The following WWTR1 variants were observed in gnomAD, a reference collection of about 807,000 sequenced individuals.
The protein encoded by WWTR1 is WW domain-containing transcription regulator protein 1.
Under a neutral mutation model 40.1 loss-of-function variants are expected in WWTR1, and 13 were observed. The ratio of observed to expected loss-of-function variants is 0.32; its 90% CI spans 0.21 to 0.52. The LOEUF (loss-of-function observed/expected upper bound fraction) is 0.52. Ranked by LOEUF, WWTR1 falls within the 20% of genes least tolerant of loss-of-function variation. The probability of loss-of-function intolerance (pLI) is 0.97; values close to 1 mark genes in which losing one functional copy is unlikely to be tolerated. For synonymous variants in WWTR1, 230 were observed against 210.1 expected (o/e 1.09, Z -0.82); for missense variants, 436 against 523.1 (o/e 0.83, Z 1.63).
At chr3:149,667,824 T>A (rs1024904468) in intron 2 of WWTR1, among the ~76,000 whole-genome samples, 3 of 152,208 alleles carry the variant, frequency 2.0e-5, no homozygotes, top group East Asian at 1.9e-4. Flanking sequence ...ATTTCACAGT[T>A]CATTCTGTAT....
At chr3:149,589,065 G>T (rs1028134281) in intron 2 of WWTR1, among the ~76,000 whole-genome samples, 8 of 152,178 alleles carry the variant, frequency 5.3e-5, no homozygotes, top group Non-Finnish European at 1.2e-4. Context: ...ATCTAAACGA[G>T]GTGTCAACAG....
chr3:149,575,271 C>G (rs1474479491), intron 2 of WWTR1, among the ~76,000 whole-genome samples: 1 of 152,190 alleles, frequency 6.6e-6, no homozygotes, highest in East Asian at 1.9e-4. Context: ...AAACTCATAG[C>G]CAGCCTCAGG....
At chr3:149,670,207 G>C (rs980127185) in intron 1 of WWTR1, among the ~76,000 whole-genome samples, 1 of 152,212 alleles carries the variant, frequency 6.6e-6, no homozygotes, top group Admixed American at 6.5e-5. Context: ...TGTCCTCACA[G>C]TGACTCTATT....
intron 2 of WWTR1, among the ~76,000 whole-genome samples, chr3:149,595,122 C>T (rs1242281020): frequency 6.6e-6 from 1 of 151,642 alleles, no homozygotes; most frequent in Non-Finnish European, 1.5e-5. Flanking sequence ...CCACCACGCC[C>T]AGCTAATTTT....
At chr3:149,569,322 A>G (rs974250516) in intron 3 of WWTR1, among the ~76,000 whole-genome samples, 29 of 152,222 alleles carry the variant, frequency 1.9e-4, no homozygotes, top group African/African-American at 6.3e-4. Context: ...TTTTGCCATA[A>G]AAATAATGAT....
intron 1 of WWTR1, among the ~76,000 whole-genome samples, chr3:149,675,261 AT>A (rs1184173987): frequency 1.3e-5 from 2 of 152,228 alleles, no homozygotes; most frequent in African/African-American, 4.8e-5. Context: ...TGTTTTTAAA[AT>A]GAGCATGTTT....
intron 5 of WWTR1, 58 bp from the exon 6 acceptor site, chr3:149,526,183 TA>T: frequency 7.5e-7 from 1 of 1,335,272 alleles, no homozygotes; most frequent in Non-Finnish European, 1.0e-6. Flanking sequence ...ATCTCAAAAT[TA>T]AAACACAGTC....
chr3:149,658,959 C>T (rs574372139), upstream of WWTR1, among the ~76,000 whole-genome samples: 1 of 152,020 alleles, frequency 6.6e-6, no homozygotes, highest in Non-Finnish European at 1.5e-5. Context: ...GCCAGTGACC[C>T]GAAAAAAGCC....
intron 2 of WWTR1, among the ~76,000 whole-genome samples, chr3:149,600,775 G>T (rs536665230): frequency 6.6e-6 from 1 of 152,174 alleles, no homozygotes; most frequent in African/African-American, 2.4e-5. Context: ...ACCAGTTTCC[G>T]GCACCAACTC....
chr3:149,545,882 C>T (rs1736341879), intron 3 of WWTR1, among the ~76,000 whole-genome samples: 1 of 152,188 alleles, frequency 6.6e-6, no homozygotes, highest in African/African-American at 2.4e-5. Context: ...AGGTGACTTA[C>T]TGACATAACA....
chr3:149,547,820 C>A (rs1346641976), intron 3 of WWTR1, among the ~76,000 whole-genome samples: 1 of 147,122 alleles, frequency 6.8e-6, no homozygotes, highest in Non-Finnish European at 1.5e-5. Context: ...CTCCTTTTCC[C>A]TTTTTCTTTT....
At chr3:149,677,303 T>C (rs1473378205) in intron 1 of WWTR1, among the ~76,000 whole-genome samples, 1 of 152,194 alleles carries the variant, frequency 6.6e-6, no homozygotes, top group Non-Finnish European at 1.5e-5. Flanking sequence ...AATGCTTTCC[T>C]CCCAAATACA....
chr3:149,648,850 T>C (rs1712679616), intron 2 of WWTR1: 1 of 152,216 alleles, frequency 6.6e-6, no homozygotes, highest in African/African-American at 2.4e-5. Flanking sequence ...ACCAGCTCTT[T>C]GGCCTGGTTT....
chr3:149,666,854 G>A (rs939871502), intron 2 of WWTR1, among the ~76,000 whole-genome samples: 2 of 152,162 alleles, frequency 1.3e-5, no homozygotes, highest in Admixed American at 6.5e-5. Flanking sequence ...CCTCCTCTGT[G>A]AGCATACACT....
chr3:149,602,985 GATAAATAAATAA>G (rs10573108), intron 2 of WWTR1, among the ~76,000 whole-genome samples: 3 of 151,510 alleles, frequency 2.0e-5, no homozygotes, highest in South Asian at 2.1e-4. Context: ...TAAAGCCAAA[GATAAATAAATAA>G]ATAAATAAAT....
intron 1 of WWTR1, among the ~76,000 whole-genome samples, chr3:149,675,525 A>T (rs942827703): frequency 6.6e-6 from 1 of 152,100 alleles, no homozygotes; most frequent in Non-Finnish European, 1.5e-5. Flanking sequence ...TGATTTTTGA[A>T]CTTGTATCAC....
rs1000960963 is a variant in WWTR1 at position 149,657,071 on chromosome 3, G to T, written c.236C>A (p.Ala79Asp). The change falls in exon 2 of 7, where the codon GCT (alanine) becomes GAT (aspartate). Residue 79 changes from alanine (A) to aspartate (D), a missense_variant. By Grantham distance (126) the Ala-to-Asp change is moderately radical (BLOSUM62 -2). Transcript: ENST00000360632. ...SSGGHPGPRL[A>D]GGAQHVRSHS... ...CGAGCGGACATGCTGGGCACCCCCA[G>T]CCAGTCGAGGCCCCGGGTGGCCGCC... The T allele has an allele frequency of 2.0e-5, 31 of 1,568,066 alleles. No homozygotes were observed. The highest frequency in any genetic ancestry group is 3.4e-5 in the South Asian group (3 of 87,290).
intron 3 of WWTR1, among the ~76,000 whole-genome samples, chr3:149,557,739 AC>A (rs1417609392): frequency 1.1e-4 from 17 of 152,044 alleles, no homozygotes; most frequent in African/African-American, 4.1e-4. Context: ...ACAGTGGCTC[AC>A]CCCTGTAATC....
intron 4 of WWTR1, among the ~76,000 whole-genome samples, chr3:149,538,812 A>AATTT (rs748199514): frequency 2.0e-5 from 3 of 152,194 alleles, no homozygotes; most frequent in Non-Finnish European, 4.4e-5. Context: ...GAATGGTTTT[A>AATTT]ATTTACTCTT....
Sources: gnomAD v4.1 joint callset for allele counts (sites outside exome capture counted in the v4.1 genomes callset) on GRCh38, gnomAD v4.1.1 for gene constraint, MANE v1.5 for transcripts, NCBI Gene and HGNC (gene_info 2026-07-23, HGNC 2026-07-21) for gene names.